Variants in TPO observed in about 807,000 individuals in gnomAD.
TPO encodes thyroid peroxidase, also known as thyroid microsomal antigen.
TPO carries 78 observed loss-of-function variants against 96.9 expected under a neutral mutation model. That is an observed-to-expected ratio of 0.81 (90% confidence interval 0.67 to 0.97). The LOEUF is 0.97. Ranked by LOEUF, TPO falls within the 50% of genes least tolerant of loss-of-function variation. TPO has a pLI of 0.00. For synonymous variants in TPO, 547 were observed against 538.0 expected, an observed-to-expected ratio of 1.02 and a Z score of -0.23; for missense variants, 1,252 against 1,274.8, an observed-to-expected ratio of 0.98 and a Z score of 0.27.
At chr2:1,515,533 G>A (rs900624081) in intron 14 of TPO, among the ~76,000 whole-genome samples, 3 of 152,192 alleles carry the variant, frequency 2.0e-5, no homozygotes, top group Admixed American at 6.5e-5. Context: ...ATTCATTCTT[G>A]TATCCAACAA....
intron 8 of TPO, chr2:1,478,169 T>A: frequency 1.0e-6 from 1 of 985,432 alleles, no homozygotes; most frequent in Non-Finnish European, 1.2e-6. Flanking sequence ...TTTATGACTT[T>A]CTTAAGTATC....
rs149057382 is a variant in TPO, at chr2:1,439,895, G to A, written c.482+3511G>A. 6.4e-3 allele frequency among the ~76,000 whole-genome samples: 977 copies of A among 152,254 alleles called. 9 individuals are homozygous for A. The highest frequency in any genetic ancestry group is 0.022 in the African/African-American group (928 of 41,548). Reference sequence around the variant, plus strand: ...CAAGAACCACCCCAAAGGCATGTGTGTGTCTCTGCCTCCCCGATCCTAACT... The same window carrying A: ...CAAGAACCACCCCAAAGGCATGTGTATGTCTCTGCCTCCCCGATCCTAACT... On this transcript the variant is annotated intron_variant, in intron 5 of 16. Transcript: ENST00000329066.
At chr2:1,493,199 T>C (rs961505334) in intron 10 of TPO, among the ~76,000 whole-genome samples, 41 of 12,062 alleles carry the variant, frequency 3.4e-3, no homozygotes, top group African/African-American at 8.8e-3. Context: ...TGTGTGTGTG[T>C]GTGAGTGGGT....
At chr2:1,476,372 C>T (rs183218241) in intron 7 of TPO, among the ~76,000 whole-genome samples, 9 of 152,314 alleles carry the variant, frequency 5.9e-5, no homozygotes, top group Admixed American at 5.9e-4. Context: ...GAGCTCGACT[C>T]TTCCCAGGAA....
intron 5 of TPO, among the ~76,000 whole-genome samples, chr2:1,445,849 T>C (rs1311971780): frequency 3.4e-5 from 5 of 147,354 alleles, no homozygotes; most frequent in Admixed American, 2.7e-4. Context: ...CCTTCCTGTT[T>C]GTATGATCCA....
rs773759871 is a variant in TPO, at chr2:1,496,765, G to A, written c.2386G>A (p.Asp796Asn). The change falls in exon 13 of 17, where the codon GAT (aspartate) becomes AAT (asparagine). Residue 796 changes from aspartate (D) to asparagine (N), a missense_variant and splice_region_variant. Coordinates refer to ENST00000329066, the MANE Select transcript of TPO (RefSeq NM_001206744.2). The part of the protein sequence containing the change: ...GWDFQPPLCK[D>N]VNECADGAHP... ...GGATTTCCAGCCTCCCCTCTGCAAA[G>A]GTCAGTCCTTTCTTCAATGACAATT... 2 of 1,614,162 alleles carry A rather than the reference G, an allele frequency of 1.2e-6. No homozygotes were observed. Among genetic ancestry groups the A allele is most frequent in the Non-Finnish European group, 1.7e-6 (2 of 1,180,036 alleles).
Position 1,415,119 on chromosome 2 carries a change from G to A in TPO, c.94+617G>A, listed in dbSNP as rs547426029. Among the ~76,000 whole-genome samples the A allele has an allele frequency of 1.9e-4, 28 of 149,142 alleles. No homozygotes were observed. In the East Asian group the frequency reaches 4.5e-3, roughly 24 times the overall value. ...CCCCTGGAGCAGGTGACACCTCGCC[G>A]GGCAGGTCCCTGGGCCTCTGGACAC... On this transcript the variant is annotated intron_variant, in intron 2 of 16. Coordinates refer to ENST00000329066, the MANE Select transcript of TPO (RefSeq NM_001206744.2).
rs1169984780 is a variant in TPO at position 1,477,158 on chromosome 2, A to T, written c.892A>T (p.Thr298Ser). ...CTACCGCTCTTCGGCCGCCTGCGGC[A>T]CCGGGGACCAAGGCGCGCTCTTTGG... ...PFYRSSAACG[T>S]GDQGALFGNL... The change falls in exon 8 of 17, where the codon ACC becomes TCC. Residue 298 changes from threonine (T) to serine (S), a missense_variant. Transcript: ENST00000329066. 1 of 1,610,040 alleles carries T rather than the reference A, an allele frequency of 6.2e-7. No homozygotes were observed. Among genetic ancestry groups the T allele is most frequent in the Admixed American group, 1.7e-5 (1 of 59,782 alleles).
Position 1,477,368 on chromosome 2 carries a change from C to CCGCCACG in TPO, c.1106_1112dup (p.Pro372ThrfsTer102). On this transcript the variant is annotated frameshift_variant, in exon 8 of 17. Transcript: ENST00000329066. LOFTEE classifies it high-confidence loss of function. Reference sequence around the variant, plus strand: ...CGGCCGCGCCTACCTGCCCTTCGTGCCGCCACGCGCGCCTGCGGCCTGTGC... The same window carrying CCGCCACG: ...CGGCCGCGCCTACCTGCCCTTCGTGCCGCCACGCGCCACGCGCGCCTGCGGCCTGTGC... The CCGCCACG allele has an allele frequency of 2.0e-6, 3 of 1,536,236 alleles. No homozygotes were observed. The highest frequency in any genetic ancestry group is 2.6e-6 in the Non-Finnish European group (3 of 1,138,926).
rs546345785 is a variant in TPO, at chr2:1,432,214, G to A, written c.180-1224G>A. Among the ~76,000 whole-genome samples the A allele has an allele frequency of 1.1e-4, 16 of 152,372 alleles. 1 individual carries two copies. Among genetic ancestry groups the A allele is most frequent in the African/African-American group, 3.4e-4 (14 of 41,596 alleles). On this transcript the variant is annotated intron_variant, in intron 3 of 16. Transcript: ENST00000329066. Reference sequence around the variant, plus strand: ...ATTGACTCAACATTCAGACAAGAAGGATGGTGAACTTGATGTAGTCCTCCC... The same window carrying A: ...ATTGACTCAACATTCAGACAAGAAGAATGGTGAACTTGATGTAGTCCTCCC...
At chr2:1,388,504 C>T (rs1018794643) in intron 1 of TPO, among the ~76,000 whole-genome samples, 11 of 152,230 alleles carry the variant, frequency 7.2e-5, no homozygotes, top group African/African-American at 2.2e-4. Context: ...TAGGACCCTC[C>T]GAGCCAGGCG....
Position 1,477,568 on chromosome 2 carries a change from C to T in TPO, c.1302C>T (p.Tyr434=). Residue 434 remains tyrosine (Y), a synonymous_variant, in exon 8 of 17, where the codon TAC becomes TAT. Coordinates refer to ENST00000329066, the MANE Select transcript of TPO (RefSeq NM_001206744.2). ...LNAHWSADAV[Y]QEARKVVGAL... The stretch of plus-strand genomic sequence containing the variant: ...CGCACTGGAGCGCGGACGCCGTGTA[C>T]CAGGAGGCGCGCAAGGTCGTGGGCG... 1 of 1,537,248 alleles carries T rather than the reference C, an allele frequency of 6.5e-7. No homozygotes were observed. The highest frequency in any genetic ancestry group is 8.7e-7 in the Non-Finnish European group (1 of 1,147,646).
At chr2:1,469,059 A>C (rs926884268) in intron 7 of TPO, among the ~76,000 whole-genome samples, 1 of 151,858 alleles carries the variant, frequency 6.6e-6, no homozygotes, top group African/African-American at 2.4e-5. Context: ...TGAAGTTTTG[A>C]TTGTTTTTTA....
chr2:1,515,559 C>T (rs1387505450), intron 14 of TPO, among the ~76,000 whole-genome samples: 1 of 152,150 alleles, frequency 6.6e-6, no homozygotes, highest in Non-Finnish European at 1.5e-5. Context: ...TGCTGAGTGT[C>T]CAAGACCCAT....
chr2:1,420,758 C>T (rs1193162110), intron 2 of TPO, among the ~76,000 whole-genome samples: 3 of 152,020 alleles, frequency 2.0e-5, no homozygotes, highest in Admixed American at 6.5e-5. Flanking sequence ...GTGGGGAGAT[C>T]AGTGCAGGAG....
intron 5 of TPO, among the ~76,000 whole-genome samples, chr2:1,443,385 T>C (rs1449125233): frequency 6.7e-6 from 1 of 148,596 alleles, no homozygotes; most frequent in Admixed American, 6.7e-5. Context: ...CCTTCTTGTT[T>C]GTATGATCCA....
chr2:1,536,734 C>T (rs1465805961), intron 15 of TPO, among the ~76,000 whole-genome samples: 5 of 127,220 alleles, frequency 3.9e-5, no homozygotes, highest in African/African-American at 1.6e-4. Flanking sequence ...CAAATCCCCA[C>T]CACTCTGTGC....
chr2:1,517,462 T>C (rs568702150), intron 15 of TPO, among the ~76,000 whole-genome samples: 1 of 152,334 alleles, frequency 6.6e-6, no homozygotes, highest in East Asian at 1.9e-4. Flanking sequence ...GGCCCTGCCC[T>C]GTGAGAGTGC....
intron 15 of TPO, among the ~76,000 whole-genome samples, chr2:1,521,656 G>C (rs1675280405): frequency 6.6e-6 from 1 of 152,106 alleles, no homozygotes; most frequent in Admixed American, 6.5e-5. Flanking sequence ...CCTTTGCTGG[G>C]GGACAGACGT....
Sources: allele counts gnomAD v4.1 joint callset (sites outside exome capture counted in the v4.1 genomes callset), GRCh38; gene constraint gnomAD v4.1.1; transcripts MANE v1.5; gene names NCBI Gene and HGNC (gene_info 2026-07-23, HGNC 2026-07-21).